The following MFRP variants were observed in gnomAD, a reference collection of about 807,000 sequenced individuals.
MFRP encodes the protein membrane frizzled-related protein.
A neutral mutation model predicts 65.8 loss-of-function variants in MFRP; 74 were observed. The ratio of observed to expected loss-of-function variants is 1.12; its 90% CI spans 0.93 to 1.36. MFRP has a LOEUF of 1.36. MFRP is among the 40% of genes most tolerant of loss of function. The pLI, the probability that MFRP is intolerant of heterozygous loss-of-function variation, is 0.00. For missense variants in MFRP, 838 were observed against 736.0 expected, an observed-to-expected ratio of 1.14 and a Z score of -1.60; for synonymous variants, 336 against 288.3, an observed-to-expected ratio of 1.17 and a Z score of -1.68.
chr11:119,345,991 G>T, intron 3 of MFRP, 55 bp downstream of exon 3: 1 of 1,613,032 alleles, frequency 6.2e-7, no homozygotes, highest in Non-Finnish European at 8.5e-7. Flanking sequence ...CTGGGAGAGC[G>T]GCTCATGGAG....
chr11:119,341,358 G>GGAC lies in MFRP; in HGVS notation c.*187_*189dup, dbSNP rs1211684695. ...AGTCAGCAGCCTGGGACCGGTAAAG[G>GGAC]GACAGGAAGGAGCAGGGAGGGTGGT... On this transcript the variant is annotated 3_prime_UTR_variant, in exon 13 of 15. Coordinates refer to ENST00000619721, the MANE Select transcript of MFRP (RefSeq NM_031433.4). 2 of 605,430 alleles carry GGAC rather than the reference G, an allele frequency of 3.3e-6. No homozygotes were observed. Among genetic ancestry groups the GGAC allele is most frequent in the Non-Finnish European group, 5.8e-6 (2 of 342,404 alleles). The allele number at this position is 605,430 out of a possible 1,614,324, so 37.5% of individuals were successfully genotyped here.
rs1950471025 is a variant in MFRP, at chr11:119,339,268, C to T, written c.*1691G>A. 1.3e-6 allele frequency: 2 copies of T among 1,559,490 alleles called. No homozygotes were observed. The highest frequency in any genetic ancestry group is 1.7e-6 in the Non-Finnish European group (2 of 1,147,930). On this transcript the variant is annotated 3_prime_UTR_variant, in exon 15 of 15. Coordinates refer to ENST00000619721, the MANE Select transcript of MFRP (RefSeq NM_031433.4). This position sits in a 1 kb window ranked among gnomAD's most constrained non-coding sequence, Gnocchi z 5.4. ...AGGGGGGCCAGCCCTCCTGGATGACCTGGTTGTCAGCCTCACACCCTCCTT... is the reference window on the plus strand; with the variant it reads ...AGGGGGGCCAGCCCTCCTGGATGACTTGGTTGTCAGCCTCACACCCTCCTT...
rs963192118 is a variant in MFRP at position 119,343,139 on chromosome 11, G to A, written c.1125-136C>T. ...GATGGAAGACACAGGGTTAGGGTCT[G>A]GCGAGAAAGACACATATATTCAACA... On this transcript the variant is annotated intron_variant, in intron 9 of 14. Transcript: ENST00000619721. 10 of 1,114,582 alleles carry A rather than the reference G, an allele frequency of 9.0e-6. No individual in the cohort carries two copies. The East Asian group carries it at 2.3e-4, about 26-fold the overall frequency. 69.0% of individuals were successfully genotyped at this position (1,114,582 alleles called of 1,614,324 possible).
chr11:119,340,137 C>T, intron 14 of MFRP, 47 bp downstream of exon 14: 1 of 1,495,038 alleles, frequency 6.7e-7, no homozygotes, highest in Non-Finnish European at 8.9e-7. Context: ...GCTGCGGCCG[C>T]GCCTGCTCGG....
rs200825785 is a variant in MFRP at position 119,345,563 on chromosome 11, G to T, written c.498C>A (p.Pro166=). 8.1e-6 allele frequency: 13 copies of T among 1,612,332 alleles called. No homozygotes were observed. The highest frequency in any genetic ancestry group is 3.3e-4 in the Middle Eastern group (2 of 6,050). The stretch of plus-strand genomic sequence containing the variant: ...GGATATGCCACACGCAGTGGGTGTT[G>T]GGGGGGTAAGGGTCTGGGTAGTTAG... ...SSPNYPDPYP[P]NTHCVWHIQV... Residue 166 remains proline, a synonymous_variant, in exon 5 of 15, where the codon CCC becomes CCA. Coordinates refer to ENST00000619721, the MANE Select transcript of MFRP (RefSeq NM_031433.4).
rs1018726099 is a variant in MFRP at position 119,344,376 on chromosome 11, A to G, written c.914T>C (p.Leu305Pro). The G allele has an allele frequency of 6.8e-6, 11 of 1,613,938 alleles. No homozygotes were observed. The highest frequency in any genetic ancestry group is 9.3e-6 in the Non-Finnish European group (11 of 1,179,948). ...SAKFSGCGGN[L>P]TGLQGTFSTP... ...AGAGAAAGTGCCCTGGAGGCCAGTC[A>G]GATTCCCCCCACACCCTGTAGAGAG... Residue 305 changes from leucine to proline, a missense_variant, in exon 8 of 15, where the codon CTG (leucine) becomes CCG (proline). Leu to Pro is a moderately conservative substitution (Grantham distance 98, BLOSUM62 -3). Transcript: ENST00000619721.
At position 119,339,678 on chromosome 11, in the gene MFRP, G is replaced by A; in HGVS notation, c.*1281C>T. 1.2e-6 allele frequency: 2 copies of A among 1,610,612 alleles called. No homozygotes were observed. Among genetic ancestry groups the A allele is most frequent in the Middle Eastern group, 1.7e-4 (1 of 6,060 alleles). ...TCGTAATGTCCCTGCTCGTTCACCA[G>A]CACGCGGTCGAAGGGCAAGGGTGCG... On this transcript the variant is annotated 3_prime_UTR_variant, in exon 15 of 15. Coordinates refer to ENST00000619721, the MANE Select transcript of MFRP (RefSeq NM_031433.4). The surrounding 1 kb of genome is among the most constrained non-coding windows in gnomAD (Gnocchi z 5.4).
In MFRP at chr11:119,344,855, C is replaced by T. The variant is rs751366258; in HGVS notation, c.772+19G>A. 3.1e-6 allele frequency: 5 copies of T among 1,613,260 alleles called. No individual in the cohort carries two copies. The East Asian group carries it at 6.7e-5, about 22-fold the overall frequency. ...GGGAAGAAAGTGGACACTCAACAGG[C>T]AGGTGGGAACACACTCACCGCGCCC... On this transcript the variant is annotated intron_variant, in intron 6 of 14. Coordinates refer to ENST00000619721, the MANE Select transcript of MFRP (RefSeq NM_031433.4).
chr11:119,345,462 T>A lies in MFRP; in HGVS notation c.599A>T (p.Asp200Val). Reference protein sequence around the residue: ...SIESVASCLFDRLELSPEPEG... With the variant: ...SIESVASCLFVRLELSPEPEG... ...AGGCTCAGGGGAGAGTTCCAAGCGA[T>A]CAAAAAGGCAAGAGGCCACACTCTC... The change falls in exon 5 of 15, where the codon GAT becomes GTT. Residue 200 changes from aspartate to valine, a missense_variant. Physicochemically the swap from Asp to Val is radical, Grantham distance 152. Transcript: ENST00000619721. 1 of 1,613,808 alleles carries A rather than the reference T, an allele frequency of 6.2e-7. No individual in the cohort carries two copies.
chr11:119,341,979 C>T lies in MFRP; in HGVS notation c.1393G>A (p.Ala465Thr). The change falls in exon 12 of 15, where the codon GCC (alanine) becomes ACC (threonine). Residue 465 changes from alanine (A) to threonine (T), a missense_variant. Physicochemically the swap from Ala to Thr is moderately conservative, Grantham distance 58. Coordinates refer to ENST00000619721, the MANE Select transcript of MFRP (RefSeq NM_031433.4). ...SGPLFPPPELACEPVQVEMCL... is the reference protein window; with the variant it reads ...SGPLFPPPELTCEPVQVEMCL... ...ATCTCCACCTGGACAGGCTCACAGG[C>T]CAGCTCTGCAGGGGTGGAGGGGAGG... 6.2e-7 allele frequency: 1 copy of T among 1,613,662 alleles called. No homozygotes were observed. Among genetic ancestry groups the T allele is most frequent in the Non-Finnish European group, 8.5e-7 (1 of 1,180,016 alleles).
rs1202480487 is a variant in MFRP, at chr11:119,340,304, G to C, written c.*990C>G. The C allele has an allele frequency of 1.3e-6, 2 of 1,536,288 alleles. No homozygotes were observed. The highest frequency in any genetic ancestry group is 1.8e-6 in the Non-Finnish European group (2 of 1,142,596). On this transcript the variant is annotated 3_prime_UTR_variant, in exon 14 of 15. Transcript: ENST00000619721. ...TGGCCCGGCGTGCCTGGAAGGCCGG[G>C]GTGCCCCGGGCAGAGGCTGGGGATC...
At position 119,346,128 on chromosome 11, in the gene MFRP, G is replaced by A. The variant is rs1272565453; in HGVS notation, c.189C>T (p.Cys63=). The change falls in exon 3 of 15, where the codon TGC becomes TGT. Residue 63 remains cysteine (C), a synonymous_variant. Coordinates refer to ENST00000619721, the MANE Select transcript of MFRP (RefSeq NM_031433.4). The part of the protein sequence containing the change: ...GRRPRGLRPD[C]RFSWLCVLLL... ...GGAGGACACAGAGCCAGGAGAAGCG[G>A]CAGTCTGGCCGTAGCCCTCGAGGAC... The A allele has an allele frequency of 3.1e-6, 5 of 1,603,146 alleles. No individual in the cohort carries two copies. In the Admixed American group the frequency reaches 6.9e-5, roughly 22 times the overall value.
chr11:119,341,914 G>A lies in MFRP; in HGVS notation c.1458C>T (p.Asn486=), dbSNP rs758093277. Residue 486 remains asparagine, a synonymous_variant, in exon 12 of 15, where the codon AAC becomes AAT. Transcript: ENST00000619721. The part of the protein sequence containing the change: ...GLSYNTTAFP[N]IWVGMITQEE... Reference sequence around the variant, plus strand: ...CCTGGGTGATCATGCCCACCCAGATGTTAGGGAAGGCTGTGGTGTTGTAGC... The same window carrying A: ...CCTGGGTGATCATGCCCACCCAGATATTAGGGAAGGCTGTGGTGTTGTAGC... 3.0e-5 allele frequency: 49 copies of A among 1,613,898 alleles called. 1 individual carries two copies. Among genetic ancestry groups the A allele is most frequent in the Admixed American group, 5.0e-5 (3 of 60,004 alleles).
In MFRP at chr11:119,344,762, A is replaced by T. The variant is rs1369370176; in HGVS notation, c.773-5T>A. ...ACTCATCATGGGCACAGCTCCCTGG[A>T]TGTGGGCACCAGGAGTCAGGGAGGC... is the stretch of plus-strand genomic sequence containing the variant. On this transcript the variant is annotated splice_region_variant and splice_polypyrimidine_tract_variant and intron_variant, in intron 6 of 14. Coordinates refer to ENST00000619721, the MANE Select transcript of MFRP (RefSeq NM_031433.4). The T allele has an allele frequency of 1.2e-6, 2 of 1,613,830 alleles. No individual in the cohort carries two copies. The highest frequency in any genetic ancestry group is 2.7e-5 in the African/African-American group (2 of 74,928).
chr11:119,344,010 C>T (rs773500026), intron 8 of MFRP, 46 bp from the exon 9 acceptor site: 6 of 1,607,270 alleles, frequency 3.7e-6, no homozygotes, highest in African/African-American at 2.7e-5. Flanking sequence ...CTTCTCCTGT[C>T]TCATCCCGGG....
rs759109552 is a variant in MFRP at position 119,342,669 on chromosome 11, C to G, written c.1314G>C (p.Trp438Cys). The part of the protein sequence containing the change: ...CQAGGCKGVQ[W>C]MCDMWRDCTD... ...TGCAGTCTCTCCACATGTCACACAT[C>G]CACTGCACACCCTTACACCCTCCTG... is the stretch of plus-strand genomic sequence containing the variant. Residue 438 changes from tryptophan to cysteine, a missense_variant, in exon 11 of 15, where the codon TGG becomes TGC. Trp to Cys is a radical substitution (Grantham distance 215). Coordinates refer to ENST00000619721, the MANE Select transcript of MFRP (RefSeq NM_031433.4). 1 of 1,613,730 alleles carries G rather than the reference C, an allele frequency of 6.2e-7. No homozygotes were observed. The highest frequency in any genetic ancestry group is 8.5e-7 in the Non-Finnish European group (1 of 1,179,968).
intron 7 of MFRP, 28 bp from the exon 8 acceptor site, chr11:119,344,419 T>C (rs2135371615): frequency 6.2e-7 from 1 of 1,606,090 alleles, no homozygotes; most frequent in East Asian, 2.2e-5. Flanking sequence ...GGCTCATGAG[T>C]TTGCTAGGAT....
In MFRP at chr11:119,342,602, G is replaced by T. The variant is rs1950513569; in HGVS notation, c.1381C>A (p.Pro461Thr). The change falls in exon 11 of 15, where the codon CCC (proline) becomes ACC (threonine). Residue 461 changes from proline to threonine, a missense_variant. Coordinates refer to ENST00000619721, the MANE Select transcript of MFRP (RefSeq NM_031433.4). ...CCAGGGGCAGGCTTCTCACCTGGGG[G>T]TGGGAACAAGGGGCCGCTGCAGTTG... ...DDNCSGPLFP[P>T]PELACEPVQV... The T allele has an allele frequency of 6.2e-7, 1 of 1,613,220 alleles. No homozygotes were observed. Among genetic ancestry groups the T allele is most frequent in the Non-Finnish European group, 8.5e-7 (1 of 1,179,862 alleles).
At chr11:119,344,015 C>T (rs1950531458) in intron 8 of MFRP, 51 bp from the exon 9 acceptor site, 1 of 1,606,204 alleles carries the variant, frequency 6.2e-7, no homozygotes, top group Non-Finnish European at 8.5e-7. Flanking sequence ...CCTGTCTCAT[C>T]CCGGGCACCC....
Sources: allele counts gnomAD v4.1 joint callset, GRCh38; gene constraint gnomAD v4.1.1; non-coding constraint Gnocchi (gnomAD v3.1); transcripts MANE v1.5; gene names NCBI Gene and HGNC (gene_info 2026-07-23, HGNC 2026-07-21).